The following MACROD2 variants were observed in gnomAD, a reference collection of about 807,000 sequenced individuals.
MACROD2 encodes mono-ADP ribosylhydrolase 2, also known as ADP-ribose glycohydrolase MACROD2.
MACROD2 carries 36 observed loss-of-function variants against 70.4 expected under a neutral mutation model. The observed-to-expected ratio is 0.51, with a 90% confidence interval of 0.39 to 0.68. The LOEUF (loss-of-function observed/expected upper bound fraction) is 0.68. MACROD2 is among the 30% of genes least tolerant of loss of function. MACROD2 has a pLI of 0.00. For missense variants in MACROD2, 496 were observed against 538.4 expected (o/e 0.92, Z 0.78); for synonymous variants, 172 against 178.8 (o/e 0.96, Z 0.30).
intron 4 of MACROD2, among the ~76,000 whole-genome samples, chr20:14,528,126 T>G (rs1044430398): frequency 1.3e-5 from 2 of 151,666 alleles, no homozygotes; most frequent in South Asian, 2.1e-4. Flanking sequence ...TTTTTTTTTT[T>G]GAGATGGAGT....
intron 3 of MACROD2, among the ~76,000 whole-genome samples, chr20:14,372,044 C>T (rs552545518): frequency 2.0e-5 from 3 of 152,114 alleles, no homozygotes; most frequent in African/African-American, 7.2e-5. Flanking sequence ...TCCTTGACCA[C>T]GTTTTCCTGG....
intron 11 of MACROD2, among the ~76,000 whole-genome samples, chr20:15,936,820 C>T (rs2065671458): frequency 6.6e-6 from 1 of 152,074 alleles, no homozygotes. Context: ...ACTAGAGTCA[C>T]TAGGGGCTGA....
At chr20:15,981,082 C>T (rs1362803008) in intron 13 of MACROD2, among the ~76,000 whole-genome samples, 1 of 152,172 alleles carries the variant, frequency 6.6e-6, no homozygotes, top group Non-Finnish European at 1.5e-5. Flanking sequence ...TAGGAGTTCG[C>T]CTGTTTTTAT....
rs533133553 is a variant in MACROD2, at chr20:14,408,486, CCTTT to C, written c.272-84992_272-84989del. On this transcript the variant is annotated intron_variant, in intron 3 of 17. Transcript: ENST00000684519. Reference sequence around the variant, plus strand: ...GTCTGATTTCCCTTTGCCATCAATTCCTTTTTGAGATAAGACTAGAAATGTTTTC... The same window carrying C: ...GTCTGATTTCCCTTTGCCATCAATTCTTGAGATAAGACTAGAAATGTTTTC... 2.5e-3 allele frequency among the ~76,000 whole-genome samples: 385 copies of C among 152,216 alleles called. 2 individuals carry two copies. Among genetic ancestry groups the C allele is most frequent in the African/African-American group, 8.7e-3 (363 of 41,548 alleles).
intron 3 of MACROD2, among the ~76,000 whole-genome samples, chr20:14,331,511 A>G (rs1339362907): frequency 6.6e-6 from 1 of 152,088 alleles, no homozygotes; most frequent in East Asian, 1.9e-4. Context: ...TTCTCCCCAC[A>G]TTGTATTAAA....
At chr20:14,533,615 G>A (rs17191669) in intron 4 of MACROD2, among the ~76,000 whole-genome samples, 8,644 of 152,186 alleles carry the variant, frequency 0.057, 598 homozygotes, top group South Asian at 0.29. Context: ...CATATTAAAA[G>A]ATTCTCATGT....
chr20:15,476,443 G>A (rs2047023074), intron 7 of MACROD2, among the ~76,000 whole-genome samples: 1 of 152,188 alleles, frequency 6.6e-6, no homozygotes, highest in South Asian at 2.1e-4. Context: ...TGATAGTCAA[G>A]TTTTCTTTTG....
At chr20:15,963,890 A>G (rs2066100537) in intron 12 of MACROD2, among the ~76,000 whole-genome samples, 1 of 152,140 alleles carries the variant, frequency 6.6e-6, no homozygotes, top group Non-Finnish European at 1.5e-5. Context: ...TCTTAAAAGC[A>G]CATCTATCTA....
intron 3 of MACROD2, among the ~76,000 whole-genome samples, chr20:14,200,624 T>A (rs927139168): frequency 6.6e-6 from 1 of 152,230 alleles, no homozygotes; most frequent in African/African-American, 2.4e-5. Flanking sequence ...ATCAAAGTTT[T>A]AAAAAAATTT....
At chr20:14,441,756 C>T (rs369218930) in intron 3 of MACROD2, among the ~76,000 whole-genome samples, 1 of 152,104 alleles carries the variant, frequency 6.6e-6, no homozygotes, top group East Asian at 1.9e-4. Context: ...CTATGTGCCT[C>T]ATAAAGACAG....
At chr20:14,709,338 T>A (rs1373837970) in intron 5 of MACROD2, among the ~76,000 whole-genome samples, 2 of 152,122 alleles carry the variant, frequency 1.3e-5, no homozygotes, top group African/African-American at 2.4e-5. Context: ...GGGCACGAAG[T>A]CTGTGGCTTG....
At chr20:15,838,363 A>G (rs532902538) in intron 8 of MACROD2, among the ~76,000 whole-genome samples, 1 of 152,274 alleles carries the variant, frequency 6.6e-6, no homozygotes, top group South Asian at 2.1e-4. Flanking sequence ...TCTATGCAAA[A>G]TGTTTAATGT....
chr20:15,857,219 G>A (rs2064366678), intron 8 of MACROD2, among the ~76,000 whole-genome samples: 1 of 152,200 alleles, frequency 6.6e-6, no homozygotes, highest in South Asian at 2.1e-4. Context: ...AATGGAGCTG[G>A]TGAAGATGTC....
intron 5 of MACROD2, among the ~76,000 whole-genome samples, chr20:15,022,361 T>G (rs2075194584): frequency 6.6e-6 from 1 of 152,180 alleles, no homozygotes; most frequent in Non-Finnish European, 1.5e-5. Context: ...AAAAGCTCCA[T>G]TTTCTGGCTT....
chr20:14,016,075 C>T (rs2052986390), intron 2 of MACROD2, among the ~76,000 whole-genome samples: 1 of 152,206 alleles, frequency 6.6e-6, no homozygotes, highest in Non-Finnish European at 1.5e-5. Flanking sequence ...TAGTATTTTA[C>T]ATTCCAACCG....
chr20:14,715,065 G>C (rs571699843), intron 5 of MACROD2, among the ~76,000 whole-genome samples: 2 of 152,264 alleles, frequency 1.3e-5, no homozygotes, highest in South Asian at 4.1e-4. Flanking sequence ...ATAAAGGAAA[G>C]AGGTTTCATT....
intron 3 of MACROD2, among the ~76,000 whole-genome samples, chr20:14,102,223 C>G (rs2054310833): frequency 6.6e-6 from 1 of 151,688 alleles, no homozygotes; most frequent in African/African-American, 2.4e-5. Flanking sequence ...AGGATGGTCT[C>G]AATCTCCTGA....
intron 15 of MACROD2, among the ~76,000 whole-genome samples, chr20:16,011,666 G>A (rs768107673): frequency 3.9e-5 from 6 of 152,228 alleles, no homozygotes; most frequent in East Asian, 1.9e-4. Flanking sequence ...CTTGTGAGGT[G>A]TGCAGTGTAG....
chr20:15,046,307 C>G (rs2075394501), intron 5 of MACROD2, among the ~76,000 whole-genome samples: 2 of 152,110 alleles, frequency 1.3e-5, no homozygotes, highest in Admixed American at 6.5e-5. Context: ...AAAGCTATAA[C>G]TCTTACCTCG....
Sources: gnomAD v4.1 joint callset for allele counts (sites outside exome capture counted in the v4.1 genomes callset) on GRCh38, gnomAD v4.1.1 for gene constraint, MANE v1.5 for transcripts, NCBI Gene and HGNC (gene_info 2026-07-23, HGNC 2026-07-21) for gene names.